Variants in RMI1 observed in about 807,000 individuals in gnomAD.
RMI1 encodes the protein recQ-mediated genome instability protein 1.
RMI1 carries 36 observed loss-of-function variants against 46.7 expected under a neutral mutation model. That is an observed-to-expected ratio of 0.77 (90% CI 0.59 to 1.02). RMI1 has a LOEUF of 1.02. Among genes scored for constraint, RMI1 ranks in the 50% least tolerant of loss-of-function variants. RMI1 has a pLI of 0.00. For missense variants in RMI1, 676 were observed against 713.7 expected (o/e 0.95, Z 0.60); for synonymous variants, 250 against 252.9 (o/e 0.99, Z 0.11).
chr9:83,988,150 C>T lies in RMI1; in HGVS notation c.-126+7259C>T, dbSNP rs367880918. On this transcript the variant is annotated intron_variant, in intron 1 of 2. Transcript: ENST00000445877. ...CCTCCCACCTCAGTTTCCCCAAGTG[C>T]TGGGATTACAGGTGTGTGCCACCAC... is the stretch of plus-strand genomic sequence containing the variant. 5.0e-3 allele frequency among the ~76,000 whole-genome samples: 756 copies of T among 152,270 alleles called. 4 individuals are homozygous for T. The highest frequency in any genetic ancestry group is 0.014 in the African/African-American group (598 of 41,540).
chr9:84,002,478 A>G lies in RMI1; in HGVS notation c.1492A>G (p.Met498Val). 2 of 1,613,986 alleles carry G rather than the reference A, an allele frequency of 1.2e-6. No individual in the cohort carries two copies. Among genetic ancestry groups the G allele is most frequent in the Non-Finnish European group, 1.7e-6 (2 of 1,179,952 alleles). Residue 498 changes from methionine (M) to valine (V), a missense_variant, in exon 3 of 3, where the codon ATG (methionine) becomes GTG (valine). Transcript: ENST00000445877. ...ACCCTTTGTCTATTTGTCTGTTCTA[A>G]TGGCCAGCAAACCAAAGGAAGTTAC... ...SPPFVYLSVL[M>V]ASKPKEVTTV...
chr9:83,997,411 CT>C (rs992887696), intron 1 of RMI1, among the ~76,000 whole-genome samples: 4 of 150,032 alleles, frequency 2.7e-5, no homozygotes, highest in Non-Finnish European at 5.9e-5. Context: ...GTGCCTGGCC[CT>C]TTTTTTCCCT....
At chr9:83,989,957 C>T (rs1957544429) in intron 1 of RMI1, among the ~76,000 whole-genome samples, 1 of 152,016 alleles carries the variant, frequency 6.6e-6, no homozygotes. Flanking sequence ...CATCAGCAGA[C>T]GAATGGATAA....
At chr9:83,985,877 C>T (rs916249890) in intron 1 of RMI1, among the ~76,000 whole-genome samples, 2 of 152,124 alleles carry the variant, frequency 1.3e-5, no homozygotes, top group Non-Finnish European at 2.9e-5. Flanking sequence ...GGCATGGTGG[C>T]AGGAGCCTGT....
chr9:83,999,160 G>T (rs1224719552), intron 1 of RMI1, among the ~76,000 whole-genome samples: 1 of 141,704 alleles, frequency 7.1e-6, no homozygotes, highest in African/African-American at 2.6e-5. Context: ...AAATAAAATA[G>T]AATAAAATAG....
intron 1 of RMI1, among the ~76,000 whole-genome samples, chr9:83,982,689 A>AG (rs1564077487): frequency 3.0e-4 from 46 of 151,654 alleles, no homozygotes; most frequent in African/African-American, 1.1e-3. Context: ...CAAAAACAAA[A>AG]AAAAAAACCT....
intron 1 of RMI1, among the ~76,000 whole-genome samples, chr9:83,997,610 C>T (rs915975310): frequency 6.6e-6 from 1 of 151,818 alleles, no homozygotes; most frequent in Admixed American, 6.6e-5. Context: ...TCGTCTGTGC[C>T]ACACACATTT....
intron 1 of RMI1, among the ~76,000 whole-genome samples, chr9:83,987,853 G>A (rs1957515386): frequency 6.6e-6 from 1 of 151,308 alleles, no homozygotes; most frequent in Non-Finnish European, 1.5e-5. Flanking sequence ...TATTATCACA[G>A]TTTGTTTATC....
chr9:83,985,727 G>A (rs923190976), intron 1 of RMI1, among the ~76,000 whole-genome samples: 1 of 152,190 alleles, frequency 6.6e-6, no homozygotes, highest in African/African-American at 2.4e-5. Flanking sequence ...TAGCACATAC[G>A]GCCGGGCGCG....
chr9:83,989,962 G>A (rs1013922823), intron 1 of RMI1, among the ~76,000 whole-genome samples: 1 of 152,086 alleles, frequency 6.6e-6, no homozygotes, highest in Non-Finnish European at 1.5e-5. Context: ...GCAGACGAAT[G>A]GATAAAGAAA....
At chr9:83,985,084 C>T (rs1312692925) in intron 1 of RMI1, among the ~76,000 whole-genome samples, 2 of 152,126 alleles carry the variant, frequency 1.3e-5, no homozygotes, top group Admixed American at 6.5e-5. Context: ...ATCTGAAGGA[C>T]TAGATGCCAT....
chr9:83,985,933 C>T (rs1364201082), intron 1 of RMI1, among the ~76,000 whole-genome samples: 12 of 152,000 alleles, frequency 7.9e-5, no homozygotes, highest in African/African-American at 2.7e-4. Context: ...GGCAGGAACC[C>T]GGCAGGCTGA....
chr9:83,989,464 A>G (rs1957536136), intron 1 of RMI1, among the ~76,000 whole-genome samples: 1 of 152,220 alleles, frequency 6.6e-6, no homozygotes, highest in Admixed American at 6.5e-5. Context: ...ACAAGAATAT[A>G]TAAGGAGCTG....
At chr9:83,993,278 A>G (rs1263002230) in intron 1 of RMI1, among the ~76,000 whole-genome samples, 3 of 152,118 alleles carry the variant, frequency 2.0e-5, no homozygotes, top group African/African-American at 7.2e-5. Context: ...GGCTTATTTT[A>G]CTTAGCATAA....
chr9:83,990,407 G>A (rs1236825104), intron 1 of RMI1, among the ~76,000 whole-genome samples: 1 of 152,076 alleles, frequency 6.6e-6, no homozygotes, highest in South Asian at 2.1e-4. Context: ...CTACTTGGGA[G>A]GCTGAGGCAG....
In RMI1 at chr9:84,001,197, G is replaced by A. The variant is rs149519006; in HGVS notation, c.211G>A (p.Asp71Asn). 9.4e-5 allele frequency: 151 copies of A among 1,613,954 alleles called. No individual in the cohort carries two copies. Among genetic ancestry groups the A allele is most frequent in the Non-Finnish European group, 8.1e-5 (96 of 1,179,982 alleles). The change falls in exon 3 of 3, where the codon GAT (aspartate) becomes AAT (asparagine). Residue 71 changes from aspartate (D) to asparagine (N), a missense_variant. Asp to Asn is a conservative substitution (Grantham distance 23, BLOSUM62 1). Coordinates refer to ENST00000445877, the MANE Select transcript of RMI1 (RefSeq NM_001358291.2). ...LRDLEHPLLPDGILEIPKGEL... is the reference protein window; with the variant it reads ...LRDLEHPLLPNGILEIPKGEL... ...GGATTTGGAGCATCCTCTTTTACCC[G>A]ATGGCATTTTAGAAATTCCAAAAGG...
At chr9:83,984,463 G>A (rs1957462237) in intron 1 of RMI1, among the ~76,000 whole-genome samples, 2 of 151,596 alleles carry the variant, frequency 1.3e-5, no homozygotes, top group Non-Finnish European at 2.9e-5. Flanking sequence ...GTAGAGATGG[G>A]GTTTCTCCAT....
chr9:83,982,589 A>G (rs1348981120), intron 1 of RMI1, among the ~76,000 whole-genome samples: 1 of 152,046 alleles, frequency 6.6e-6, no homozygotes, highest in Non-Finnish European at 1.5e-5. Flanking sequence ...AATGGCGTGA[A>G]CCCGGAAGGC....
rs775517615 is a variant in RMI1, at chr9:84,002,228, T to C, written c.1242T>C (p.Phe414=). The change falls in exon 3 of 3, where the codon TTT becomes TTC. Residue 414 remains phenylalanine, a synonymous_variant. Transcript: ENST00000445877. ...VHCNVPLAHD[F]TNKEKNLETD... is the part of the protein sequence containing the mutation. ...GTAATGTACCCTTAGCCCATGATTTTACAAATAAAGAAAAGAACTTAGAGA... is the reference window on the plus strand; with the variant it reads ...GTAATGTACCCTTAGCCCATGATTTCACAAATAAAGAAAAGAACTTAGAGA... The C allele has an allele frequency of 3.7e-5, 59 of 1,607,042 alleles. 2 individuals are homozygous for C. The South Asian group carries it at 6.0e-4, about 16-fold the overall frequency.
Sources: allele counts gnomAD v4.1 joint callset (sites outside exome capture counted in the v4.1 genomes callset), GRCh38; gene constraint gnomAD v4.1.1; transcripts MANE v1.5; gene names NCBI Gene and HGNC (gene_info 2026-07-23, HGNC 2026-07-21).